The following COQ10B variants were observed in gnomAD, a reference collection of about 807,000 sequenced individuals.
COQ10B encodes coenzyme Q-binding protein COQ10 homolog B, mitochondrial.
Under a neutral mutation model 27.6 loss-of-function variants are expected in COQ10B, and 12 were observed. That is an observed-to-expected ratio of 0.43 (90% CI 0.28 to 0.70). The LOEUF is 0.70. Ranked by LOEUF, COQ10B falls within the 30% of genes least tolerant of loss-of-function variation. The probability of loss-of-function intolerance (pLI) is 0.17; values close to 1 mark genes in which losing one functional copy is unlikely to be tolerated. For synonymous variants in COQ10B, 115 were observed against 103.0 expected (o/e 1.12, Z -0.71); for missense variants, 278 against 288.7 (o/e 0.96, Z 0.27).
chr2:197,457,582 A>G (rs776336136), intron 1 of COQ10B, among the ~76,000 whole-genome samples: 2 of 152,084 alleles, frequency 1.3e-5, no homozygotes, highest in African/African-American at 2.4e-5. Flanking sequence ...AAAAGGTCCT[A>G]ATAAGTTTAC....
chr2:197,470,187 C>T lies in COQ10B; in HGVS notation c.549+16C>T, dbSNP rs2085864069. 1 of 1,487,346 alleles carries T rather than the reference C, an allele frequency of 6.7e-7. No homozygotes were observed. Among genetic ancestry groups the T allele is most frequent in the Non-Finnish European group, 9.4e-7 (1 of 1,068,372 alleles). The allele number at this position is 1,487,346 out of a possible 1,614,324, so 92.1% of individuals were successfully genotyped here. On this transcript the variant is annotated intron_variant, in intron 4 of 4. Transcript: ENST00000263960. ...GGATTTTTCAGTAAGTCTCATAAAG[C>T]CCTTGATTTGTTCCACTTATGAGGT...
At chr2:197,461,627 CAG>C (rs66918493) in intron 2 of COQ10B, among the ~76,000 whole-genome samples, 69,033 of 128,606 alleles carry the variant, frequency 0.54, 18,035 homozygotes, top group Non-Finnish European at 0.58. Flanking sequence ...TACAGGGTCT[CAG>C]AGAGAGAGAG....
At chr2:197,458,266 T>C (rs2085721247) in intron 1 of COQ10B, among the ~76,000 whole-genome samples, 1 of 152,188 alleles carries the variant, frequency 6.6e-6, no homozygotes, top group African/African-American at 2.4e-5. Flanking sequence ...TAAATGCTAC[T>C]AATGCCTATG....
chr2:197,453,657 A>T lies in COQ10B; in HGVS notation c.97A>T (p.Asn33Tyr), dbSNP rs773823341. 3.1e-6 allele frequency: 5 copies of T among 1,613,302 alleles called. No individual in the cohort carries two copies. The highest frequency in any genetic ancestry group is 1.7e-4 in the Middle Eastern group (1 of 6,060). Residue 33 changes from asparagine (N) to tyrosine (Y), a missense_variant, in exon 1 of 5, where the codon AAT becomes TAT. By Grantham distance (143) the Asn-to-Tyr change is moderately radical. This residue lies in a region of COQ10B where 183 missense variants were observed against 158.2 expected (regional missense o/e 1.16). Transcript: ENST00000263960. ...TAAGAQAPVR[N>Y]GRYLASCGIL... ...GGCCGGGGCGCAGGCGCCCGTGCGG[A>T]ATGGCAGGTAATCAACAGCGGGGGC...
At chr2:197,462,220 G>A (rs1285828917) in intron 2 of COQ10B, among the ~76,000 whole-genome samples, 1 of 149,316 alleles carries the variant, frequency 6.7e-6, no homozygotes, top group African/African-American at 2.5e-5. Context: ...AGTGAGCCGA[G>A]ATCGTACCAC....
chr2:197,462,528 A>G lies in COQ10B; in HGVS notation c.255-11A>G, dbSNP rs777459982. 2.0e-6 allele frequency: 3 copies of G among 1,467,278 alleles called. No individual in the cohort carries two copies. In the East Asian group the frequency reaches 7.0e-5, roughly 34 times the overall value. The allele number at this position is 1,467,278 out of a possible 1,614,324, so 90.9% of individuals were successfully genotyped here. ...GAGTTAACACCTCTTTTTTATTTTT[A>G]TTTTTTAAAGATATTCAATGCAGGA... is the stretch of plus-strand genomic sequence containing the variant. On this transcript the variant is annotated splice_polypyrimidine_tract_variant and intron_variant, in intron 2 of 4. Coordinates refer to ENST00000263960, the MANE Select transcript of COQ10B (RefSeq NM_025147.5).
intron 4 of COQ10B, among the ~76,000 whole-genome samples, chr2:197,473,416 ATATATATATAT>A (rs1467929483): frequency 9.8e-5 from 5 of 51,260 alleles, no homozygotes; most frequent in African/African-American, 3.1e-4. Flanking sequence ...AAAAAAAAAA[ATATATATATAT>A]ATATATATAT....
chr2:197,473,974 T>C lies in COQ10B; in HGVS notation c.*50T>C, dbSNP rs774973860. ...TGCTTCTGACTTTAGTTTGTTCACT[T>C]TTAGGAAGTATTTTCATGACATGTT... On this transcript the variant is annotated 3_prime_UTR_variant, in exon 5 of 5. Coordinates refer to ENST00000263960, the MANE Select transcript of COQ10B (RefSeq NM_025147.5). 7.3e-7 allele frequency: 1 copy of C among 1,363,370 alleles called. No individual in the cohort carries two copies. The highest frequency in any genetic ancestry group is 1.9e-5 in the South Asian group (1 of 53,138). 84.5% of individuals were successfully genotyped at this position (1,363,370 alleles called of 1,614,324 possible). A position where few individuals can be genotyped will look rare whatever the true frequency, so the allele number is the denominator to read the frequency against.
chr2:197,466,737 T>C (rs2085828073), intron 3 of COQ10B, among the ~76,000 whole-genome samples: 1 of 152,170 alleles, frequency 6.6e-6, no homozygotes, highest in African/African-American at 2.4e-5. Flanking sequence ...ATCTCAATTT[T>C]ATGAAGCTTA....
chr2:197,454,353 A>C, intron 1 of COQ10B: 1 of 403,932 alleles, frequency 2.5e-6, no homozygotes, highest in South Asian at 3.5e-5. Context: ...ATATTCTTGA[A>C]AATTAAAGTT....
At chr2:197,459,864 T>G in intron 1 of COQ10B, 68 bp from the exon 2 acceptor site, 1 of 1,220,540 alleles carries the variant, frequency 8.2e-7, no homozygotes, top group South Asian at 1.6e-5. Context: ...TACTTTATAG[T>G]TTCTATAATT....
chr2:197,462,130 G>A lies in COQ10B; in HGVS notation c.255-409G>A, dbSNP rs1301484316. On this transcript the variant is annotated intron_variant, in intron 2 of 4. Coordinates refer to ENST00000263960, the MANE Select transcript of COQ10B (RefSeq NM_025147.5). ...TAAAAGTACAAAAAATTAGCTGACT[G>A]TGGTGGCACGTGCCTGGAGTCCCAG... Among the ~76,000 whole-genome samples the A allele has an allele frequency of 4.6e-5, 7 of 152,076 alleles. No individual in the cohort carries two copies. In the South Asian group the frequency reaches 8.3e-4, roughly 18 times the overall value.
At chr2:197,459,233 C>T (rs1431345041) in intron 1 of COQ10B, among the ~76,000 whole-genome samples, 1 of 152,144 alleles carries the variant, frequency 6.6e-6, no homozygotes, top group Non-Finnish European at 1.5e-5. Flanking sequence ...GTGGTGTGTT[C>T]ATAGCTCATT....
At position 197,464,287 on chromosome 2, in the gene COQ10B, G is replaced by T. The variant is rs1287840304; in HGVS notation, c.447+1556G>T. Among the ~76,000 whole-genome samples, 18 of 151,700 alleles carry T rather than the reference G, an allele frequency of 1.2e-4. 1 individual carries two copies. Among genetic ancestry groups the T allele is most frequent in the Admixed American group, 1.2e-3 (18 of 15,202 alleles). On this transcript the variant is annotated intron_variant, in intron 3 of 4. Coordinates refer to ENST00000263960, the MANE Select transcript of COQ10B (RefSeq NM_025147.5). Reference sequence around the variant, plus strand: ...ATATTTCTTTTGCATTCCCATTTTGGAGTGGCCAAAGATTTTTAAAACTGA... The same window carrying T: ...ATATTTCTTTTGCATTCCCATTTTGTAGTGGCCAAAGATTTTTAAAACTGA...
chr2:197,462,615 T>A lies in COQ10B; in HGVS notation c.331T>A (p.Ser111Thr), dbSNP rs1204065336. Residue 111 changes from serine (S) to threonine (T), a missense_variant, in exon 3 of 5, where the codon TCA (serine) becomes ACA (threonine). Coordinates refer to ENST00000263960, the MANE Select transcript of COQ10B (RefSeq NM_025147.5). ...YKHFVPWCKKSDVISKRSGYC... is the reference protein window; with the variant it reads ...YKHFVPWCKKTDVISKRSGYC... ...GCATTTTGTTCCTTGGTGCAAAAAA[T>A]CAGATGTTATATCAAAGAGATCTGG... 1.3e-6 allele frequency: 2 copies of A among 1,599,548 alleles called. No homozygotes were observed. The highest frequency in any genetic ancestry group is 1.7e-5 in the Admixed American group (1 of 58,644).
intron 3 of COQ10B, 102 bp from the exon 4 acceptor site, chr2:197,469,968 T>C (rs1212521101): frequency 1.5e-5 from 10 of 672,832 alleles, no homozygotes; most frequent in Non-Finnish European, 2.5e-5. Flanking sequence ...CTATAAAAAT[T>C]ATTACTTATG....
chr2:197,473,670 A>G (rs1232146989), intron 4 of COQ10B, 87 bp from the exon 5 acceptor site: 8 of 976,940 alleles, frequency 8.2e-6, no homozygotes, highest in Non-Finnish European at 1.1e-5. Context: ...TGGGCAACAA[A>G]GCGAGAGTCC....
chr2:197,457,832 G>C (rs958468886), intron 1 of COQ10B, among the ~76,000 whole-genome samples: 3 of 152,024 alleles, frequency 2.0e-5, no homozygotes, highest in Non-Finnish European at 4.4e-5. Flanking sequence ...ATGTTGGCCA[G>C]GCTGGTCTTG....
intron 3 of COQ10B, among the ~76,000 whole-genome samples, chr2:197,463,934 CAAAAAAAAAAAAAAAA>C (rs544425623): frequency 7.2e-5 from 1 of 13,896 alleles, no homozygotes; most frequent in East Asian, 2.2e-3. Flanking sequence ...AACTCTGTCT[CAAAAAAAAAAAAAAAA>C]AAAAAAAAAA....
Sources: gnomAD v4.1 joint callset for allele counts (sites outside exome capture counted in the v4.1 genomes callset) on GRCh38, gnomAD v4.1.1 for gene constraint, gnomAD v4.1.1 regional missense constraint, MANE v1.5 for transcripts, NCBI Gene and HGNC (gene_info 2026-07-23, HGNC 2026-07-21) for gene names.